Variants in TNP1 observed in about 807,000 individuals in gnomAD.
The protein encoded by TNP1 is transition protein 1.
A neutral mutation model predicts 5.8 loss-of-function variants in TNP1; 1 was observed. The ratio of observed to expected loss-of-function variants is 0.17; its 90% CI spans 0.06 to 0.82. TNP1 has a LOEUF of 0.82. Among genes scored for constraint, TNP1 ranks in the 40% least tolerant of loss-of-function variants. TNP1 has a pLI of 0.72. For synonymous variants in TNP1, 22 were observed against 25.3 expected, an observed-to-expected ratio of 0.87 and a Z score of 0.40; for missense variants, 71 against 75.5, an observed-to-expected ratio of 0.94 and a Z score of 0.22.
chr2:216,859,625 T>C lies in TNP1; in HGVS notation c.*42A>G. The C allele has an allele frequency of 6.2e-7, 1 of 1,613,722 alleles. No homozygotes were observed. The highest frequency in any genetic ancestry group is 8.5e-7 in the Non-Finnish European group (1 of 1,179,630). On this transcript the variant is annotated 3_prime_UTR_variant, in exon 2 of 2. Coordinates refer to ENST00000236979, the MANE Select transcript of TNP1 (RefSeq NM_003284.4). ...CCCTTCTGCTGTTCTTGTTGCTGCTTGGTGCTGTGTGAAGCGCACCAGGGC... is the reference window on the plus strand; with the variant it reads ...CCCTTCTGCTGTTCTTGTTGCTGCTCGGTGCTGTGTGAAGCGCACCAGGGC...
Sources: gnomAD v4.1 joint callset for allele counts on GRCh38, gnomAD v4.1.1 for gene constraint, MANE v1.5 for transcripts, NCBI Gene and HGNC (gene_info 2026-07-23, HGNC 2026-07-21) for gene names.